Variants in RBFOX1 observed in about 807,000 individuals in gnomAD.
RBFOX1 encodes RNA binding protein fox-1 homolog 1.
A neutral mutation model predicts 57.7 loss-of-function variants in RBFOX1; 8 were observed. The observed-to-expected ratio is 0.14, with a 90% CI of 0.08 to 0.25. RBFOX1 has a LOEUF of 0.25. Ranked by LOEUF, RBFOX1 falls within the 10% of genes least tolerant of loss-of-function variation. The pLI is 1.00. For synonymous variants in RBFOX1, 326 were observed against 222.4 expected (o/e 1.47, Z -4.15); for missense variants, 611 against 548.5 (o/e 1.11, Z -1.14).
In RBFOX1 at chr16:7,273,199, TCCC is replaced by T. The variant is rs1414903650; in HGVS notation, c.27+221102_27+221104del. Among the ~76,000 whole-genome samples, 245 of 60,682 alleles carry T rather than the reference TCCC, an allele frequency of 4.0e-3. 11 individuals are homozygous for T. Among genetic ancestry groups the T allele is most frequent in the African/African-American group, 9.7e-3 (105 of 10,790 alleles). 39.8% of individuals were successfully genotyped at this position (60,682 alleles called of 152,430 possible). On this transcript the variant is annotated intron_variant, in intron 4 of 15. Coordinates refer to ENST00000550418, the MANE Select transcript of RBFOX1 (RefSeq NM_018723.4). ...CTCCCTTCCTTCCTCCCTTCCTTCC[TCCC>T]TCCCTTCCTTCCTTCCTTCCTTCCT...
At chr16:6,765,221 C>G (rs1321350977) in intron 3 of RBFOX1, among the ~76,000 whole-genome samples, 2 of 152,082 alleles carry the variant, frequency 1.3e-5, no homozygotes, top group Non-Finnish European at 2.9e-5. Context: ...GCTGGAGGAA[C>G]AGAATGAGGC....
intron 3 of RBFOX1, among the ~76,000 whole-genome samples, chr16:6,727,209 A>G (rs1351802080): frequency 6.6e-6 from 1 of 152,074 alleles, no homozygotes; most frequent in Admixed American, 6.6e-5. Context: ...TGCAATTCTG[A>G]CAATCCCTCA....
chr16:5,405,819 C>A (rs774216664), intron 1 of RBFOX1, among the ~76,000 whole-genome samples: 1 of 151,978 alleles, frequency 6.6e-6, no homozygotes, highest in African/African-American at 2.4e-5. Context: ...CTTGGGCTCC[C>A]GGGAAAAGTT....
chr16:7,663,415 T>C (rs1018967863), intron 12 of RBFOX1, among the ~76,000 whole-genome samples: 1 of 152,184 alleles, frequency 6.6e-6, no homozygotes, highest in Non-Finnish European at 1.5e-5. Context: ...ACTTGGAGTT[T>C]AGTCAATCAA....
chr16:7,122,564 C>G (rs1381395746), intron 4 of RBFOX1, among the ~76,000 whole-genome samples: 3 of 152,126 alleles, frequency 2.0e-5, no homozygotes, highest in Non-Finnish European at 4.4e-5. Context: ...AAAAAATTGA[C>G]AAGACTTAGT....
intron 2 of RBFOX1, among the ~76,000 whole-genome samples, chr16:5,485,915 G>A: frequency 6.6e-6 from 1 of 152,156 alleles, no homozygotes; most frequent in Non-Finnish European, 1.5e-5. Context: ...TTCCCCATCT[G>A]CAAAATGGAG....
At chr16:5,820,170 G>A (rs1319038008) in intron 3 of RBFOX1, among the ~76,000 whole-genome samples, 2 of 152,218 alleles carry the variant, frequency 1.3e-5, no homozygotes, top group African/African-American at 4.8e-5. Flanking sequence ...GATGGAGGAA[G>A]CAGAGCTCAT....
chr16:7,567,705 A>ATATATATATAT (rs1567869687), intron 5 of RBFOX1, among the ~76,000 whole-genome samples: 2 of 133,224 alleles, frequency 1.5e-5, no homozygotes, highest in Non-Finnish European at 3.2e-5. Context: ...CCCTATATAT[A>ATATATATATAT]ATCCCTATAT....
intron 2 of RBFOX1, among the ~76,000 whole-genome samples, chr16:5,497,552 G>A (rs2043041293): frequency 6.7e-6 from 1 of 148,992 alleles, no homozygotes; most frequent in Non-Finnish European, 1.5e-5. Context: ...AGAGGCGGGT[G>A]AATCACCTGA....
rs1268785921 is a variant in RBFOX1 at position 5,253,783 on chromosome 16, C to G, written c.219+13678C>G. ...TGGCCTCTTTCAGGCTCTTGCACTT[C>G]CTTTGCTCTTTTCCTGCCACAGGGC... On this transcript the variant is annotated intron_variant, in intron 1 of 2. Coordinates refer to the RBFOX1 transcript ENST00000585867. Among the ~76,000 whole-genome samples the G allele has an allele frequency of 6.6e-5, 10 of 152,368 alleles. No individual in the cohort carries two copies. The East Asian group carries it at 1.9e-3, about 29-fold the overall frequency.
intron 3 of RBFOX1, among the ~76,000 whole-genome samples, chr16:5,767,922 G>T (rs1397066718): frequency 6.6e-6 from 1 of 151,236 alleles, no homozygotes; most frequent in African/African-American, 2.5e-5. Context: ...ACTTAGTGAA[G>T]TCCCATTACT....
intron 3 of RBFOX1, among the ~76,000 whole-genome samples, chr16:6,787,695 G>C (rs1315625012): frequency 3.3e-5 from 5 of 152,128 alleles, no homozygotes; most frequent in Non-Finnish European, 7.4e-5. Context: ...CATGATCGTA[G>C]CATTCCATTG....
rs1312238397 is a variant in RBFOX1 at position 5,942,521 on chromosome 16, G to T, written c.351+75186G>T. ...TGCAATTGGGGAAGTTATTAATCTT[G>T]TGATCTCCAGAACAGTGGCTGGTTA... On this transcript the variant is annotated intron_variant, in intron 4 of 19. Coordinates refer to the RBFOX1 transcript ENST00000641259. Among the ~76,000 whole-genome samples, 3 of 152,138 alleles carry T rather than the reference G, an allele frequency of 2.0e-5. No homozygotes were observed. In the South Asian group the frequency reaches 6.2e-4, roughly 31 times the overall value.
chr16:7,280,950 TACC>T (rs2095529119), intron 4 of RBFOX1, among the ~76,000 whole-genome samples: 27 of 117,948 alleles, frequency 2.3e-4, no homozygotes, highest in African/African-American at 4.7e-4. Context: ...TGTGATTCCC[TACC>T]TACCTCCCTC....
At chr16:7,197,641 A>C (rs545969861) in intron 4 of RBFOX1, among the ~76,000 whole-genome samples, 1 of 152,300 alleles carries the variant, frequency 6.6e-6, no homozygotes, top group South Asian at 2.1e-4. Flanking sequence ...TCATCACAGC[A>C]TTATCCACAA....
intron 1 of RBFOX1, chr16:6,037,189 G>C (rs565770866): frequency 2.0e-5 from 3 of 152,162 alleles, no homozygotes; most frequent in Non-Finnish European, 4.4e-5. Context: ...TGCAGTTAAT[G>C]CTAAAGTGTT....
chr16:7,642,948 G>A (rs932479193), intron 11 of RBFOX1, among the ~76,000 whole-genome samples: 6 of 152,136 alleles, frequency 3.9e-5, no homozygotes, highest in Admixed American at 2.0e-4. Flanking sequence ...GGAAATTGTC[G>A]ATACCTGTGA....
At chr16:7,545,926 C>T (rs2084345400) in intron 5 of RBFOX1, among the ~76,000 whole-genome samples, 2 of 148,474 alleles carry the variant, frequency 1.3e-5, no homozygotes, top group South Asian at 4.2e-4. Context: ...GAGTCACGTG[C>T]AAAATCAGAT....
intron 2 of RBFOX1, among the ~76,000 whole-genome samples, chr16:6,633,413 G>A (rs12324984): frequency 0.027 from 4,050 of 152,128 alleles, 189 homozygotes; most frequent in African/African-American, 0.093. Flanking sequence ...AAGTAGCTGG[G>A]ACTACAGGCA....
Sources: gnomAD v4.1 joint callset for allele counts (sites outside exome capture counted in the v4.1 genomes callset) on GRCh38, gnomAD v4.1.1 for gene constraint, MANE v1.5 for transcripts, NCBI Gene and HGNC (gene_info 2026-07-23, HGNC 2026-07-21) for gene names.